The following GRM7 variants were observed in gnomAD, a reference collection of about 807,000 sequenced individuals.
GRM7 encodes metabotropic glutamate receptor 7.
In GRM7, 35 loss-of-function variants were observed where a neutral mutation model predicts 84.5. That is an observed-to-expected ratio of 0.41 (90% CI 0.32 to 0.55). The LOEUF (loss-of-function observed/expected upper bound fraction) is 0.55. GRM7 is among the 20% of genes least tolerant of loss of function. The probability of loss-of-function intolerance (pLI) is 0.19; values close to 1 mark genes in which losing one functional copy is unlikely to be tolerated. For missense variants in GRM7, 1,003 were observed against 1,194.6 expected (o/e 0.84, Z 2.36); for synonymous variants, 487 against 455.1 (o/e 1.07, Z -0.89).
intron 2 of GRM7, among the ~76,000 whole-genome samples, chr3:7,196,355 T>A (rs1169204518): frequency 6.6e-6 from 1 of 151,970 alleles, no homozygotes; most frequent in Non-Finnish European, 1.5e-5. Flanking sequence ...ACATCTAGAG[T>A]AATATTTGGC....
At chr3:7,026,557 T>C (rs576804373) in intron 1 of GRM7, among the ~76,000 whole-genome samples, 9 of 152,310 alleles carry the variant, frequency 5.9e-5, no homozygotes, top group Non-Finnish European at 1.0e-4. Flanking sequence ...CACTATGGAA[T>C]ACTTACTATC....
chr3:7,382,262 G>T (rs1694621555), intron 4 of GRM7, among the ~76,000 whole-genome samples: 1 of 152,038 alleles, frequency 6.6e-6, no homozygotes, highest in Non-Finnish European at 1.5e-5. Context: ...AGCTTTGATT[G>T]CCTTTAGATT....
intron 2 of GRM7, among the ~76,000 whole-genome samples, chr3:7,285,607 A>C (rs921074393): frequency 1.3e-5 from 2 of 152,154 alleles, no homozygotes; most frequent in Non-Finnish European, 2.9e-5. Context: ...CAGTGTATGT[A>C]GACTCTCAAC....
chr3:7,327,623 A>G (rs975600621), intron 4 of GRM7, among the ~76,000 whole-genome samples: 1 of 152,214 alleles, frequency 6.6e-6, no homozygotes, highest in East Asian at 1.9e-4. Context: ...TCCCTAGTAT[A>G]AAGTATTCCT....
In GRM7 at chr3:7,286,945, A is replaced by G. The variant is rs1304841245; in HGVS notation, c.737-11739A>G. 4.6e-5 allele frequency among the ~76,000 whole-genome samples: 7 copies of G among 152,192 alleles called. No individual in the cohort carries two copies. In the East Asian group the frequency reaches 1.2e-3, roughly 25 times the overall value. On this transcript the variant is annotated intron_variant, in intron 2 of 9. Transcript: ENST00000357716. The stretch of plus-strand genomic sequence containing the variant: ...AATGTTACATTGGCTTAAAATGAAC[A>G]GTTAGCATCATCTTAGATAGGACTT...
At chr3:7,480,739 T>G (rs144097624) in intron 7 of GRM7, among the ~76,000 whole-genome samples, 64 of 152,304 alleles carry the variant, frequency 4.2e-4, no homozygotes, top group African/African-American at 1.5e-3. Context: ...GGTTTCAAAC[T>G]TTGCTGTACA....
At chr3:7,392,865 C>T (rs1440623905) in intron 4 of GRM7, among the ~76,000 whole-genome samples, 1 of 152,164 alleles carries the variant, frequency 6.6e-6, no homozygotes, top group Non-Finnish European at 1.5e-5. Context: ...TTAGTCTCAC[C>T]ACAGCCTGTT....
chr3:7,126,633 T>A (rs983739858), intron 1 of GRM7, among the ~76,000 whole-genome samples: 1 of 152,220 alleles, frequency 6.6e-6, no homozygotes, highest in Admixed American at 6.5e-5. Flanking sequence ...CTACTACCAC[T>A]CATATTATGG....
intron 8 of GRM7, among the ~76,000 whole-genome samples, chr3:7,615,460 A>C (rs1697037492): frequency 6.6e-6 from 1 of 151,996 alleles, no homozygotes; most frequent in Admixed American, 6.6e-5. Flanking sequence ...CTAAATTCTA[A>C]ATTTGTTGCC....
chr3:7,373,788 C>T (rs61489802), intron 4 of GRM7, among the ~76,000 whole-genome samples: 37,373 of 151,964 alleles, frequency 0.25, 6,462 homozygotes, highest in African/African-American at 0.5. Flanking sequence ...GTCTGTTCAA[C>T]AGACCGTTCT....
At chr3:7,718,181 C>A (rs1394954742) in intron 9 of GRM7, among the ~76,000 whole-genome samples, 1 of 152,216 alleles carries the variant, frequency 6.6e-6, no homozygotes, top group Non-Finnish European at 1.5e-5. Flanking sequence ...ATGAGGCAGT[C>A]TGTGCATAGC....
chr3:7,058,823 A>C (rs1559411868), intron 1 of GRM7, among the ~76,000 whole-genome samples: 1 of 151,876 alleles, frequency 6.6e-6, no homozygotes, highest in Non-Finnish European at 1.5e-5. Context: ...ATTGGCTAGC[A>C]ACTTAGAACT....
chr3:7,628,049 C>T (rs1393284148), intron 8 of GRM7, among the ~76,000 whole-genome samples: 2 of 152,274 alleles, frequency 1.3e-5, no homozygotes, highest in East Asian at 1.9e-4. Flanking sequence ...ACTCATGCCC[C>T]TTTCCTCTTC....
At chr3:7,713,114 A>ATTTTTTTTTTTTTTTTTTTTTT (rs1165234212) in intron 9 of GRM7, among the ~76,000 whole-genome samples, 1 of 129,854 alleles carries the variant, frequency 7.7e-6, no homozygotes, top group Non-Finnish European at 1.6e-5. Context: ...GAGGATTCGA[A>ATTTTTTTTTTTTTTTTTTTTTT]TTTTGTTTTG....
intron 2 of GRM7, among the ~76,000 whole-genome samples, chr3:7,224,598 G>A (rs957593931): frequency 1.3e-5 from 2 of 152,094 alleles, no homozygotes; most frequent in Non-Finnish European, 2.9e-5. Flanking sequence ...GAGAAATGAG[G>A]AGCTTAGTGG....
At chr3:6,968,269 T>C (rs979185636) in intron 1 of GRM7, among the ~76,000 whole-genome samples, 6 of 152,214 alleles carry the variant, frequency 3.9e-5, no homozygotes, top group Non-Finnish European at 8.8e-5. Context: ...ATCTTTCCTC[T>C]GTGCCTGTCT....
intron 8 of GRM7, among the ~76,000 whole-genome samples, chr3:7,671,257 C>T (rs41361551): frequency 0.14 from 21,681 of 151,960 alleles, 3,208 homozygotes; most frequent in African/African-American, 0.38. Flanking sequence ...GCCACCAAGA[C>T]GGTCTGCAGC....
chr3:7,566,329 G>C (rs1694267371), intron 7 of GRM7, among the ~76,000 whole-genome samples: 1 of 151,974 alleles, frequency 6.6e-6, no homozygotes, highest in Non-Finnish European at 1.5e-5. Flanking sequence ...TCAGCCCCTG[G>C]TACAGAATAT....
intron 7 of GRM7, among the ~76,000 whole-genome samples, chr3:7,472,935 C>T (rs941250142): frequency 6.6e-6 from 1 of 152,112 alleles, no homozygotes; most frequent in Non-Finnish European, 1.5e-5. Context: ...AGCATACGTG[C>T]AGACCGTTTC....
Sources: allele counts gnomAD v4.1 joint callset (sites outside exome capture counted in the v4.1 genomes callset), GRCh38; gene constraint gnomAD v4.1.1; transcripts MANE v1.5; gene names NCBI Gene and HGNC (gene_info 2026-07-23, HGNC 2026-07-21).